Variants in HEMK2 observed in about 807,000 individuals in gnomAD.
The protein encoded by HEMK2 is HemK methyltransferase 2, ETF1 glutamine and histone H4 lysine, also known as methyltransferase HEMK2.
the HEMK2 span, among the ~76,000 whole-genome samples, chr21:28,661,839 A>G: frequency 3.9e-5 from 6 of 152,288 alleles, no homozygotes; most frequent in South Asian, 1.2e-3. Flanking sequence ...TATTTTATTT[A>G]TGTTTAATTA....
chr21:28,709,447 G>A, the HEMK2 span, among the ~76,000 whole-genome samples: 4 of 152,048 alleles, frequency 2.6e-5, no homozygotes, highest in Admixed American at 6.6e-5. Flanking sequence ...ATGGAACTTC[G>A]GAATGCACTT....
At chr21:28,883,088 T>G in the HEMK2 span, 1 of 1,539,522 alleles carries the variant, frequency 6.5e-7, no homozygotes, top group East Asian at 2.4e-5. Flanking sequence ...AAAAAATAAA[T>G]AAATATTAGT....
chr21:28,718,948 T>A, the HEMK2 span, among the ~76,000 whole-genome samples: 2 of 152,162 alleles, frequency 1.3e-5, no homozygotes, highest in Non-Finnish European at 1.5e-5. Flanking sequence ...AAGGTTAATG[T>A]CTTCACTCAC....
At chr21:28,817,379 G>A in the HEMK2 span, among the ~76,000 whole-genome samples, 1 of 152,096 alleles carries the variant, frequency 6.6e-6, no homozygotes, top group Non-Finnish European at 1.5e-5. Context: ...ACAATAAATT[G>A]TAGAAAACAA....
the HEMK2 span, among the ~76,000 whole-genome samples, chr21:28,871,886 C>A: frequency 6.6e-6 from 1 of 152,046 alleles, no homozygotes; most frequent in African/African-American, 2.4e-5. Context: ...CTTCATATGG[C>A]CCTATGTCTC....
the HEMK2 span, among the ~76,000 whole-genome samples, chr21:28,705,420 G>A: frequency 6.6e-6 from 1 of 152,096 alleles, no homozygotes; most frequent in African/African-American, 2.4e-5. Flanking sequence ...TTGATAGAAG[G>A]AAAGACTTAG....
the HEMK2 span, among the ~76,000 whole-genome samples, chr21:28,846,176 T>A: frequency 6.6e-6 from 1 of 152,224 alleles, no homozygotes; most frequent in Non-Finnish European, 1.5e-5. Flanking sequence ...ATGTGCCACA[T>A]TTTCTTTATC....
chr21:28,770,177 A>C, the HEMK2 span, among the ~76,000 whole-genome samples: 2 of 152,150 alleles, frequency 1.3e-5, no homozygotes, highest in Admixed American at 6.5e-5. Flanking sequence ...AAGGAAGTAG[A>C]GTTTGGGGAT....
the HEMK2 span, among the ~76,000 whole-genome samples, chr21:28,713,556 C>T: frequency 1.3e-5 from 2 of 152,308 alleles, no homozygotes; most frequent in African/African-American, 4.8e-5. Context: ...TGCTAGGATG[C>T]TCTTTCCCCA....
chr21:28,718,253 AT>A, the HEMK2 span, among the ~76,000 whole-genome samples: 1 of 152,042 alleles, frequency 6.6e-6, no homozygotes, highest in Non-Finnish European at 1.5e-5. Flanking sequence ...CTTGGCATTG[AT>A]TTCTATTTTA....
chr21:28,856,729 G>C, the HEMK2 span, among the ~76,000 whole-genome samples: 1 of 152,186 alleles, frequency 6.6e-6, no homozygotes, highest in African/African-American at 2.4e-5. Flanking sequence ...GGGATACAAT[G>C]AGTGATTGTG....
the HEMK2 span, among the ~76,000 whole-genome samples, chr21:28,712,094 T>C: frequency 4.6e-5 from 7 of 152,164 alleles, no homozygotes; most frequent in Non-Finnish European, 4.4e-5. Flanking sequence ...TTTGAGTCCA[T>C]AGCAGAGGAC....
the HEMK2 span, among the ~76,000 whole-genome samples, chr21:28,871,960 T>C: frequency 0.18 from 27,056 of 152,152 alleles, 2,495 homozygotes; most frequent in South Asian, 0.23. Context: ...TTAGGGCCCA[T>C]CCTAATCAAG....
At chr21:28,783,374 G>A in the HEMK2 span, among the ~76,000 whole-genome samples, 3 of 151,976 alleles carry the variant, frequency 2.0e-5, no homozygotes, top group Non-Finnish European at 2.9e-5. Context: ...TCGTAGAGAC[G>A]GGGTTTCACC....
chr21:28,877,484 GAGAA>G, the HEMK2 span, among the ~76,000 whole-genome samples: 2 of 145,144 alleles, frequency 1.4e-5, no homozygotes, highest in Non-Finnish European at 3.0e-5. Context: ...AGAAGAGAAA[GAGAA>G]AGAAAAAGAG....
the HEMK2 span, among the ~76,000 whole-genome samples, chr21:28,731,014 G>C: frequency 2.6e-5 from 4 of 152,086 alleles, no homozygotes; most frequent in South Asian, 8.3e-4. Context: ...GCCTGTCCAT[G>C]GGTGAAATGA....
the HEMK2 span, among the ~76,000 whole-genome samples, chr21:28,731,042 A>G: frequency 0.49 from 74,736 of 151,920 alleles, 20,888 homozygotes; most frequent in East Asian, 0.78. Flanking sequence ...TGGGATACAC[A>G]GCACATGCTG....
chr21:28,790,838 G>C, the HEMK2 span, among the ~76,000 whole-genome samples: 4 of 119,640 alleles, frequency 3.3e-5, no homozygotes, highest in African/African-American at 9.5e-5. Flanking sequence ...GTTGTGGGGT[G>C]GGGGGAGGGG....
chr21:28,733,632 G>C, the HEMK2 span, among the ~76,000 whole-genome samples: 152,252 of 152,252 alleles, frequency 1, 76,126 homozygotes, highest in Non-Finnish European at 1. Flanking sequence ...ATTAAGTTGC[G>C]TACCCACTCC....
Sources: allele counts gnomAD v4.1 joint callset (sites outside exome capture counted in the v4.1 genomes callset), GRCh38; gene constraint gnomAD v4.1.1; transcripts MANE v1.5; gene names NCBI Gene and HGNC (gene_info 2026-07-23, HGNC 2026-07-21).